The following MGAT4C variants were observed in gnomAD, a reference collection of about 807,000 sequenced individuals.
MGAT4C encodes alpha-1,3-mannosyl-glycoprotein 4-beta-N-acetylglucosaminyltransferase C.
Under a neutral mutation model 40.1 loss-of-function variants are expected in MGAT4C, and 19 were observed. The ratio of observed to expected loss-of-function variants is 0.47; its 90% confidence interval spans 0.33 to 0.70. The LOEUF is 0.70. MGAT4C is among the 30% of genes least tolerant of loss of function. The pLI is 0.02. For missense variants in MGAT4C, 491 were observed against 563.2 expected (o/e 0.87, Z 1.30); for synonymous variants, 181 against 187.1 (o/e 0.97, Z 0.27).
intron 2 of MGAT4C, among the ~76,000 whole-genome samples, chr12:86,445,516 C>A (rs1165785638): frequency 1.3e-5 from 2 of 152,146 alleles, no homozygotes; most frequent in Non-Finnish European, 2.9e-5. Flanking sequence ...ATGTACTCAT[C>A]TTATGACTCA....
At chr12:86,144,114 A>G (rs1478420125) in intron 1 of MGAT4C, among the ~76,000 whole-genome samples, 1 of 152,240 alleles carries the variant, frequency 6.6e-6, no homozygotes, top group African/African-American at 2.4e-5. Flanking sequence ...CCACTCGGAC[A>G]AATTTAAACA....
Position 86,507,680 on chromosome 12 carries a change from A to C in MGAT4C, c.-228-72415T>G, listed in dbSNP as rs148303345. ...CTTTCAAATGAGTAAGCAAGATATA[A>C]ATGTTTTTGAAAGTCATATAAATTT... On this transcript the variant is annotated intron_variant, in intron 2 of 7. Coordinates refer to the MGAT4C transcript ENST00000548651. 2.3e-3 allele frequency among the ~76,000 whole-genome samples: 349 copies of C among 152,294 alleles called. 1 individual carries two copies. The highest frequency in any genetic ancestry group is 8.2e-3 in the African/African-American group (341 of 41,570).
At chr12:86,421,058 C>A (rs1393307690) in intron 3 of MGAT4C, among the ~76,000 whole-genome samples, 1 of 151,706 alleles carries the variant, frequency 6.6e-6, no homozygotes, top group Non-Finnish European at 1.5e-5. Context: ...CATTGTGAAC[C>A]AAACAAAATT....
chr12:86,637,094 G>A (rs548700387), intron 2 of MGAT4C, among the ~76,000 whole-genome samples: 1 of 151,956 alleles, frequency 6.6e-6, no homozygotes, highest in Non-Finnish European at 1.5e-5. Context: ...CATAGCCACT[G>A]ACTGATTATA....
In MGAT4C at chr12:85,970,357, A is replaced by C. The variant is rs918817707; in HGVS notation, c.*8932T>G. The C allele has an allele frequency of 5.3e-5, 8 of 151,280 alleles. No homozygotes were observed. Among genetic ancestry groups the C allele is most frequent in the Non-Finnish European group, 1.2e-4 (8 of 67,398 alleles). The allele number at this position is 151,280 out of a possible 1,614,324, so 9.4% of individuals were successfully genotyped here. A position where few individuals can be genotyped will look rare whatever the true frequency, so the allele number is the denominator to read the frequency against. ...GGTAAATTTTGAATCATCTGGTAAA[A>C]ATGGACAAAATTTAGTTTTATCTTG... On this transcript the variant is annotated 3_prime_UTR_variant, in exon 5 of 5. Coordinates refer to ENST00000611864, the MANE Select transcript of MGAT4C (RefSeq NM_001351288.2).
At chr12:86,477,738 T>C (rs1489690041) in intron 2 of MGAT4C, among the ~76,000 whole-genome samples, 1 of 151,996 alleles carries the variant, frequency 6.6e-6, no homozygotes, top group Non-Finnish European at 1.5e-5. Flanking sequence ...AATGCTATCC[T>C]TCCCCTCTCC....
chr12:86,248,297 T>C (rs2136066915), intron 1 of MGAT4C, among the ~76,000 whole-genome samples: 1 of 151,808 alleles, frequency 6.6e-6, no homozygotes, highest in African/African-American at 2.4e-5. Context: ...CAGAGCACTT[T>C]GCTAGGCCAT....
chr12:86,653,847 ATG>A (rs1963767493), intron 2 of MGAT4C, among the ~76,000 whole-genome samples: 1 of 151,962 alleles, frequency 6.6e-6, no homozygotes, highest in South Asian at 2.1e-4. Flanking sequence ...ATAAAATTAA[ATG>A]TGGATTAAAT....
At chr12:86,269,757 A>G (rs1422424814) in intron 4 of MGAT4C, among the ~76,000 whole-genome samples, 1 of 152,122 alleles carries the variant, frequency 6.6e-6, no homozygotes, top group African/African-American at 2.4e-5. Context: ...GATTTAGACT[A>G]TATTAATGGA....
chr12:86,614,244 A>G (rs576033535), intron 2 of MGAT4C, among the ~76,000 whole-genome samples: 1 of 152,292 alleles, frequency 6.6e-6, no homozygotes, highest in East Asian at 1.9e-4. Context: ...TACATCCTCC[A>G]GAGAATACCT....
Position 86,240,027 on chromosome 12 carries a change from A to T in MGAT4C, c.-57+16212T>A, listed in dbSNP as rs1175569896. Reference sequence around the variant, plus strand: ...CGTACCCTAAAACTTAGAGTATAATAAAAAAAAAAAATAAAAAATAAAATA... The same window carrying T: ...CGTACCCTAAAACTTAGAGTATAATTAAAAAAAAAAATAAAAAATAAAATA... On this transcript the variant is annotated intron_variant, in intron 1 of 4. Transcript: ENST00000611864. 3.0e-4 allele frequency among the ~76,000 whole-genome samples: 10 copies of T among 33,872 alleles called. No individual in the cohort carries two copies. The East Asian group carries it at 0.03, about 103-fold the overall frequency. The allele number at this position is 33,872 out of a possible 152,430, so 22.2% of individuals were successfully genotyped here. A position where few individuals can be genotyped will look rare whatever the true frequency, so the allele number is the denominator to read the frequency against.
intron 2 of MGAT4C, among the ~76,000 whole-genome samples, chr12:86,674,885 C>T (rs943171461): frequency 1.8e-4 from 28 of 151,942 alleles, no homozygotes; most frequent in Admixed American, 3.3e-4. Context: ...TTATTTAATT[C>T]GTATCAGTTG....
At chr12:86,116,058 C>T (rs1047667398) in intron 1 of MGAT4C, among the ~76,000 whole-genome samples, 2 of 151,712 alleles carry the variant, frequency 1.3e-5, no homozygotes, top group South Asian at 2.1e-4. Context: ...TAAGAACATC[C>T]CCGAGAAATG....
At position 86,085,997 on chromosome 12, in the gene MGAT4C, A is replaced by C. The variant is rs959235838; in HGVS notation, c.-56-36274T>G. ...GACAGTGTGGCAATTCCTCAAGGAT[A>C]TAGAACTAGAAATACCATTTGACCC... On this transcript the variant is annotated intron_variant, in intron 1 of 4. Transcript: ENST00000611864. 2.0e-5 allele frequency among the ~76,000 whole-genome samples: 3 copies of C among 151,976 alleles called. 1 individual carries two copies. The highest frequency in any genetic ancestry group is 1.3e-4 in the Admixed American group (2 of 15,242).
intron 2 of MGAT4C, among the ~76,000 whole-genome samples, chr12:86,498,286 A>G (rs1420772109): frequency 1.3e-5 from 2 of 151,646 alleles, no homozygotes; most frequent in African/African-American, 4.8e-5. Context: ...ACCCTTGAAC[A>G]ACAGAGGTTT....
At chr12:86,173,339 T>A (rs1391616899) in intron 1 of MGAT4C, among the ~76,000 whole-genome samples, 2 of 152,138 alleles carry the variant, frequency 1.3e-5, no homozygotes, top group African/African-American at 2.4e-5. Flanking sequence ...TGCCAGTTAC[T>A]ACATGAAGAG....
At chr12:86,767,775 A>G (rs1259335654) in intron 1 of MGAT4C, among the ~76,000 whole-genome samples, 1 of 152,238 alleles carries the variant, frequency 6.6e-6, no homozygotes, top group African/African-American at 2.4e-5. Flanking sequence ...CCACATGATT[A>G]TCTCAATAGA....
At chr12:85,993,438 G>A (rs1021441422) in intron 2 of MGAT4C, among the ~76,000 whole-genome samples, 1 of 152,182 alleles carries the variant, frequency 6.6e-6, no homozygotes, top group Non-Finnish European at 1.5e-5. Context: ...TTTGCATACT[G>A]CAAGGCTTAC....
At chr12:86,075,423 G>C (rs1050442153) in intron 1 of MGAT4C, among the ~76,000 whole-genome samples, 1 of 152,118 alleles carries the variant, frequency 6.6e-6, no homozygotes, top group Admixed American at 6.5e-5. Flanking sequence ...TCCCAGGCTG[G>C]CATTGAATGT....
Sources: allele counts gnomAD v4.1 joint callset (sites outside exome capture counted in the v4.1 genomes callset), GRCh38; gene constraint gnomAD v4.1.1; transcripts MANE v1.5; gene names NCBI Gene and HGNC (gene_info 2026-07-23, HGNC 2026-07-21).